EBF3: variants seen among roughly 807,000 people sequenced by gnomAD.
EBF3 encodes transcription factor COE3.
Under a neutral mutation model 77.1 loss-of-function variants are expected in EBF3, and 18 were observed. The ratio of observed to expected loss-of-function variants is 0.23; its 90% CI spans 0.16 to 0.35. The LOEUF (loss-of-function observed/expected upper bound fraction) is 0.35. EBF3 is among the 10% of genes least tolerant of loss of function. EBF3 has a pLI of 1.00. For missense variants in EBF3, 558 were observed against 860.0 expected, an observed-to-expected ratio of 0.65 and a Z score of 4.39; for synonymous variants, 350 against 343.5, an observed-to-expected ratio of 1.02 and a Z score of -0.21.
chr10:129,840,527 G>T (rs1849955756), intron 14 of EBF3, 85 bp from the exon 15 acceptor site: 6 of 1,433,082 alleles, frequency 4.2e-6, no homozygotes, highest in East Asian at 2.5e-5. Context: ...CCTCGGACGG[G>T]GGGGCAGGGG....
Position 129,947,715 on chromosome 10 carries a change from G to A in EBF3, c.554+9543C>T, listed in dbSNP as rs1858334971. Among the ~76,000 whole-genome samples the A allele has an allele frequency of 6.6e-6, 1 of 151,208 alleles. No homozygotes were observed. ...AAAAAAAAAAAGAAGGGCAGGACGG[G>A]CAAACTTCTGAAAGCCTGGTGAACC... On this transcript the variant is annotated intron_variant, in intron 6 of 16. Transcript: ENST00000440978. The surrounding 1 kb of genome is among the most constrained non-coding windows in gnomAD (Gnocchi z 4.5).
chr10:129,940,595 T>C (rs1411486795), intron 6 of EBF3, among the ~76,000 whole-genome samples: 1 of 152,242 alleles, frequency 6.6e-6, no homozygotes, highest in Admixed American at 6.5e-5. Flanking sequence ...AAGAGCCCCA[T>C]GCTTAGTAGC....
intron 11 of EBF3, among the ~76,000 whole-genome samples, chr10:129,844,407 T>C (rs925086955): frequency 6.6e-6 from 1 of 152,198 alleles, no homozygotes; most frequent in Non-Finnish European, 1.5e-5. Context: ...TTATGATTTC[T>C]GCAGATTCAC....
intron 5 of EBF3, 87 bp downstream of exon 5, chr10:129,958,847 G>A: frequency 7.6e-6 from 11 of 1,456,004 alleles, no homozygotes; most frequent in Non-Finnish European, 1.0e-5. Flanking sequence ...GCTGGGCGGG[G>A]TGGCGGCGCC....
intron 11 of EBF3, among the ~76,000 whole-genome samples, chr10:129,844,365 A>G (rs549976305): frequency 6.6e-6 from 1 of 152,306 alleles, no homozygotes; most frequent in Admixed American, 6.5e-5. Context: ...GCCTTCCCAG[A>G]GAGCTCTGTG....
In EBF3 at chr10:129,888,994, G is replaced by C. The variant is rs568143507; in HGVS notation, c.555-11145C>G. 2.0e-5 allele frequency among the ~76,000 whole-genome samples: 3 copies of C among 152,322 alleles called. No homozygotes were observed. In the East Asian group the frequency reaches 5.8e-4, roughly 29 times the overall value. ...CAGAGGCGTGACAGCAGAGGGGGTG[G>C]ACCGGGAACCCCTGTCCCCTCCCCA... On this transcript the variant is annotated intron_variant, in intron 6 of 16. Coordinates refer to ENST00000440978, the MANE Select transcript of EBF3 (RefSeq NM_001375380.1).
chr10:129,895,286 C>T lies in EBF3; in HGVS notation c.555-17437G>A, dbSNP rs570276207. On this transcript the variant is annotated intron_variant, in intron 6 of 16. Transcript: ENST00000440978. ...GCTCTTAGCTCCTGATTGCCCTCTG[C>T]GAAGTGGATGGATGCCTCTCCCCCA... Among the ~76,000 whole-genome samples, 5 of 152,312 alleles carry T rather than the reference C, an allele frequency of 3.3e-5. No homozygotes were observed. In the East Asian group the frequency reaches 7.7e-4, roughly 24 times the overall value.
intron 10 of EBF3, among the ~76,000 whole-genome samples, chr10:129,856,850 A>C (rs1851286946): frequency 6.6e-6 from 1 of 152,256 alleles, no homozygotes; most frequent in Non-Finnish European, 1.5e-5. Flanking sequence ...TGTGAACAAA[A>C]TACAGTGTTT....
intron 8 of EBF3, among the ~76,000 whole-genome samples, chr10:129,871,225 G>A (rs1032844767): frequency 1.8e-4 from 28 of 152,160 alleles, no homozygotes; most frequent in Admixed American, 8.5e-4. Context: ...GGTTGGAGTC[G>A]TTTACGAGGG....
rs1023865556 is a variant in EBF3, at chr10:129,870,156, C to T, written c.782-2244G>A. Among the ~76,000 whole-genome samples the T allele has an allele frequency of 6.6e-6, 1 of 152,124 alleles. No individual in the cohort carries two copies. The highest frequency in any genetic ancestry group is 1.5e-5 in the Non-Finnish European group (1 of 68,032). On this transcript the variant is annotated intron_variant, in intron 8 of 16. Transcript: ENST00000440978. The surrounding 1 kb of genome is among the most constrained non-coding windows in gnomAD (Gnocchi z 4.4). ...AGTGCTTCTCAGCGGAAAGAAAACACGGGCCTGCCTTGGCCTCCTCCACAG... is the reference window on the plus strand; with the variant it reads ...AGTGCTTCTCAGCGGAAAGAAAACATGGGCCTGCCTTGGCCTCCTCCACAG...
Position 129,912,070 on chromosome 10 carries a change from C to T in EBF3, c.555-34221G>A, listed in dbSNP as rs935680185. ...AAGGAATGCCACTGAATGAAGAGGG[C>T]TCCCGCTAGGACCCACAGGAGCAAC... On this transcript the variant is annotated intron_variant, in intron 6 of 16. Transcript: ENST00000440978. 2.6e-5 allele frequency among the ~76,000 whole-genome samples: 4 copies of T among 152,188 alleles called. No homozygotes were observed. The East Asian group carries it at 7.7e-4, about 29-fold the overall frequency.
intron 6 of EBF3, among the ~76,000 whole-genome samples, chr10:129,905,480 T>G (rs1855078389): frequency 6.6e-6 from 1 of 152,082 alleles, no homozygotes; most frequent in South Asian, 2.1e-4. Context: ...TTGAAAAATT[T>G]AATAGTCAAA....
chr10:129,898,339 G>A (rs1854539350), intron 6 of EBF3, among the ~76,000 whole-genome samples: 1 of 152,190 alleles, frequency 6.6e-6, no homozygotes, highest in Non-Finnish European at 1.5e-5. Context: ...TTCACCCATG[G>A]GCAGGAGACT....
intron 6 of EBF3, among the ~76,000 whole-genome samples, chr10:129,932,968 T>C (rs558011909): frequency 4.7e-5 from 7 of 148,956 alleles, no homozygotes; most frequent in Non-Finnish European, 1.0e-4. Flanking sequence ...CACTCTTGAC[T>C]GGGTACAGTG....
chr10:129,878,280 A>G (rs968645821), intron 6 of EBF3, among the ~76,000 whole-genome samples: 4 of 152,240 alleles, frequency 2.6e-5, no homozygotes, highest in African/African-American at 9.6e-5. Flanking sequence ...TCACTAAAAA[A>G]TTGCTGTTGA....
intron 4 of EBF3, among the ~76,000 whole-genome samples, chr10:129,961,360 A>C: frequency 6.6e-6 from 1 of 152,200 alleles, no homozygotes; most frequent in East Asian, 1.9e-4. Flanking sequence ...AATCTTTAAA[A>C]CAACCAAATC....
intron 7 of EBF3, among the ~76,000 whole-genome samples, chr10:129,876,983 A>G (rs1852829479): frequency 6.7e-6 from 1 of 148,382 alleles, no homozygotes; most frequent in East Asian, 2.0e-4. Context: ...GAGTTTAGGA[A>G]CAGATGCAAC....
chr10:129,840,583 A>T, intron 14 of EBF3, 141 bp from the exon 15 acceptor site: 1 of 1,035,114 alleles, frequency 9.7e-7, no homozygotes. Context: ...CACGCTCTGG[A>T]TAACAGGCAA....
Position 129,870,347 on chromosome 10 carries a change from C to A in EBF3, c.782-2435G>T, listed in dbSNP as rs751839201. Among the ~76,000 whole-genome samples the A allele has an allele frequency of 6.6e-6, 1 of 152,074 alleles. No homozygotes were observed. Among genetic ancestry groups the A allele is most frequent in the Non-Finnish European group, 1.5e-5 (1 of 68,014 alleles). Reference sequence around the variant, plus strand: ...TCAAGCAGATGACAGGAGCTGGGCCCGGCAGCTGAAGATGGCAGAGGAGGA... The same window carrying A: ...TCAAGCAGATGACAGGAGCTGGGCCAGGCAGCTGAAGATGGCAGAGGAGGA... On this transcript the variant is annotated intron_variant, in intron 8 of 16. Transcript: ENST00000440978. This position sits in a 1 kb window ranked among gnomAD's most constrained non-coding sequence, Gnocchi z 4.4.
Sources: allele counts gnomAD v4.1 joint callset (sites outside exome capture counted in the v4.1 genomes callset), GRCh38; gene constraint gnomAD v4.1.1; non-coding constraint Gnocchi (gnomAD v3.1); transcripts MANE v1.5; gene names NCBI Gene and HGNC (gene_info 2026-07-23, HGNC 2026-07-21).